ALOX5: variants seen among roughly 807,000 people sequenced by gnomAD.
The protein encoded by ALOX5 is polyunsaturated fatty acid 5-lipoxygenase.
ALOX5 carries 64 observed loss-of-function variants against 87.9 expected under a neutral mutation model. The ratio of observed to expected loss-of-function variants is 0.73; its 90% CI spans 0.60 to 0.90. The LOEUF is 0.90. Among genes scored for constraint, ALOX5 ranks in the 40% least tolerant of loss-of-function variants. ALOX5 has a pLI of 0.00. For missense variants in ALOX5, 822 were observed against 907.5 expected, an observed-to-expected ratio of 0.91 and a Z score of 1.21; for synonymous variants, 388 against 355.1, an observed-to-expected ratio of 1.09 and a Z score of -1.04.
At chr10:45,392,204 G>T (rs1412934901) in intron 2 of ALOX5, among the ~76,000 whole-genome samples, 6 of 152,250 alleles carry the variant, frequency 3.9e-5, no homozygotes. Context: ...CATCTGGGAG[G>T]TGTAGCCAAC....
At chr10:45,409,054 C>T (rs949027684) in intron 3 of ALOX5, among the ~76,000 whole-genome samples, 1 of 152,174 alleles carries the variant, frequency 6.6e-6, no homozygotes, top group South Asian at 2.1e-4. Context: ...CTGTCACCTA[C>T]TCTCATAGCA....
chr10:45,402,908 C>A (rs7919239), intron 3 of ALOX5, among the ~76,000 whole-genome samples: 34,572 of 152,048 alleles, frequency 0.23, 4,072 homozygotes, highest in African/African-American at 0.26. Flanking sequence ...TTCATTAGGA[C>A]TCGGGGAAAT....
intron 6 of ALOX5, among the ~76,000 whole-genome samples, chr10:45,426,667 C>T (rs143099649): frequency 1.9e-4 from 29 of 152,314 alleles, no homozygotes; most frequent in Admixed American, 5.2e-4. Flanking sequence ...CAAAAATCAA[C>T]TCCATCTGGT....
intron 7 of ALOX5, among the ~76,000 whole-genome samples, chr10:45,436,015 T>C (rs1842051725): frequency 6.6e-6 from 1 of 152,274 alleles, no homozygotes; most frequent in Non-Finnish European, 1.5e-5. Flanking sequence ...ATTTCTCTGA[T>C]GATTAGTGAT....
chr10:45,376,334 C>T (rs987602021), intron 1 of ALOX5, among the ~76,000 whole-genome samples: 1 of 3,346 alleles, frequency 3.0e-4, no homozygotes, highest in African/African-American at 1.1e-3. Flanking sequence ...AGGGGTGGGG[C>T]GGGGGGTGGT....
chr10:45,387,608 C>G (rs1435511631), intron 2 of ALOX5, among the ~76,000 whole-genome samples: 1 of 152,116 alleles, frequency 6.6e-6, no homozygotes, highest in African/African-American at 2.4e-5. Context: ...CACACGCAGG[C>G]CAGAGTTAGG....
chr10:45,437,073 C>T (rs1842082355), intron 7 of ALOX5, among the ~76,000 whole-genome samples: 1 of 152,202 alleles, frequency 6.6e-6, no homozygotes, highest in Non-Finnish European at 1.5e-5. Context: ...GATTTTTAGG[C>T]CAGGCACAGT....
intron 12 of ALOX5, 107 bp downstream of exon 12, chr10:45,443,935 T>C: frequency 2.1e-6 from 3 of 1,450,282 alleles, no homozygotes; most frequent in Non-Finnish European, 2.8e-6. Context: ...CCTCGGGGCC[T>C]GGCACGGGAC....
chr10:45,406,041 G>A (rs754684985), intron 3 of ALOX5, among the ~76,000 whole-genome samples: 1 of 152,170 alleles, frequency 6.6e-6, no homozygotes, highest in Admixed American at 6.5e-5. Flanking sequence ...GCTGGCATAG[G>A]ATGGCAGTCA....
At chr10:45,437,440 TTATG>T (rs2132844495) in intron 7 of ALOX5, among the ~76,000 whole-genome samples, 1 of 152,270 alleles carries the variant, frequency 6.6e-6, no homozygotes, top group South Asian at 2.1e-4. Context: ...AAGGAGTAAA[TTATG>T]TGTTAGAAAT....
chr10:45,390,827 G>T (rs1363488116), intron 2 of ALOX5, among the ~76,000 whole-genome samples: 2 of 152,236 alleles, frequency 1.3e-5, no homozygotes, highest in African/African-American at 4.8e-5. Flanking sequence ...CAGAAGGCAA[G>T]AAATAATTAA....
intron 7 of ALOX5, 77 bp from the exon 8 acceptor site, chr10:45,440,353 C>A (rs1842188630): frequency 6.8e-7 from 1 of 1,473,534 alleles, no homozygotes; most frequent in Non-Finnish European, 9.3e-7. Flanking sequence ...CTGGAACTTC[C>A]CAAGAGGCGA....
Position 45,395,874 on chromosome 10 carries a change from C to T in ALOX5, c.369C>T (p.Asp123=), listed in dbSNP as rs368982664. 2.5e-5 allele frequency: 40 copies of T among 1,614,086 alleles called. No homozygotes were observed. The highest frequency in any genetic ancestry group is 3.3e-5 in the Non-Finnish European group (39 of 1,180,028). The change falls in exon 3 of 14, where the codon GAC becomes GAT. Residue 123 remains aspartate, a synonymous_variant. Transcript: ENST00000374391. The stretch of plus-strand genomic sequence containing the variant: ...TTACAGCAAAGTTGGCCCGAGATGA[C>T]CAAATTCACATTCTCAAGCAACACC... ...RDGRAKLARD[D]QIHILKQHRR... is the part of the protein sequence containing the mutation.
intron 4 of ALOX5, among the ~76,000 whole-genome samples, chr10:45,419,187 C>A (rs1036006387): frequency 2.6e-5 from 4 of 152,380 alleles, no homozygotes; most frequent in Middle Eastern, 3.4e-3. Flanking sequence ...CGCGCGGAGG[C>A]TGCCCTGGCC....
Position 45,374,374 on chromosome 10 carries a change from G to A in ALOX5, c.95G>A (p.Cys32Tyr), listed in dbSNP as rs751434965. ...IYLSLVGSAGCSEKHLLDKPF... is the reference protein window; with the variant it reads ...IYLSLVGSAGYSEKHLLDKPF... The stretch of plus-strand genomic sequence containing the variant: ...CTCAGCCTCGTGGGCTCGGCGGGCT[G>A]CAGCGAGAAGCACCTGCTGGACAAG... Residue 32 changes from cysteine (C) to tyrosine (Y), a missense_variant, in exon 1 of 14, where the codon TGC (cysteine) becomes TAC (tyrosine). Cys to Tyr is a radical substitution (Grantham distance 194). Transcript: ENST00000374391. 1 of 1,555,120 alleles carries A rather than the reference G, an allele frequency of 6.4e-7. No individual in the cohort carries two copies. The highest frequency in any genetic ancestry group is 2.0e-5 in the Admixed American group (1 of 50,600).
intron 7 of ALOX5, among the ~76,000 whole-genome samples, chr10:45,433,176 C>T (rs1192650167): frequency 6.6e-6 from 1 of 152,244 alleles, no homozygotes; most frequent in Non-Finnish European, 1.5e-5. Context: ...GACGGAGCCC[C>T]ATGCTCTGCT....
chr10:45,413,100 G>A (rs1841130852), intron 4 of ALOX5, among the ~76,000 whole-genome samples: 1 of 152,198 alleles, frequency 6.6e-6, no homozygotes, highest in Admixed American at 6.5e-5. Context: ...TATGAGGCCA[G>A]CATCATCCCG....
intron 7 of ALOX5, among the ~76,000 whole-genome samples, chr10:45,432,429 T>C (rs1695970112): frequency 6.6e-6 from 1 of 151,678 alleles, no homozygotes. Context: ...GTAAGGTTAC[T>C]GTTAAGCAGA....
chr10:45,391,999 AGCCCCCCGCCCG>A, intron 2 of ALOX5, among the ~76,000 whole-genome samples: 1 of 150,010 alleles, frequency 6.7e-6, no homozygotes, highest in East Asian at 2.0e-4. Context: ...GGGGGCGGTC[AGCCCCCCGCCCG>A]GCCAGCCGCC....
Sources: gnomAD v4.1 joint callset for allele counts (sites outside exome capture counted in the v4.1 genomes callset) on GRCh38, gnomAD v4.1.1 for gene constraint, MANE v1.5 for transcripts, NCBI Gene and HGNC (gene_info 2026-07-23, HGNC 2026-07-21) for gene names.